RNF212B: variants seen among roughly 807,000 people sequenced by gnomAD.
RNF212B encodes the protein ring finger protein 212B.
Under a neutral mutation model 55.5 loss-of-function variants are expected in RNF212B, and 52 were observed. The ratio of observed to expected loss-of-function variants is 0.94; its 90% confidence interval spans 0.75 to 1.18. RNF212B has a LOEUF of 1.18. Ranked by LOEUF, RNF212B falls within the 50% of genes most tolerant of loss-of-function variation. The pLI is 0.00. For synonymous variants in RNF212B, 99 were observed against 121.4 expected, an observed-to-expected ratio of 0.82 and a Z score of 1.21; for missense variants, 289 against 350.4, an observed-to-expected ratio of 0.82 and a Z score of 1.40.
At chr14:23,266,576 G>A (rs1404467476) in intron 11 of RNF212B, among the ~76,000 whole-genome samples, 6 of 150,914 alleles carry the variant, frequency 4.0e-5, no homozygotes, top group South Asian at 2.1e-4. Flanking sequence ...CACCACACCC[G>A]GCTAATTTTG....
intron 2 of RNF212B, among the ~76,000 whole-genome samples, chr14:23,196,532 T>TGTA (rs1878723732): frequency 6.6e-6 from 1 of 152,180 alleles, no homozygotes; most frequent in Non-Finnish European, 1.5e-5. Flanking sequence ...CTTGAATTCC[T>TGTA]GGGCTCAAGC....
intron 4 of RNF212B, among the ~76,000 whole-genome samples, chr14:23,256,957 A>T (rs190659084): frequency 1.2e-3 from 181 of 152,258 alleles, no homozygotes; most frequent in African/African-American, 4.0e-3. Context: ...GTTCGAGACC[A>T]GTCTGACCAA....
At chr14:23,234,312 G>A (rs1411336732), upstream of RNF212B, among the ~76,000 whole-genome samples, 1 of 150,228 alleles carries the variant, frequency 6.7e-6, no homozygotes, top group Non-Finnish European at 1.5e-5. Context: ...GTGTGTGTGT[G>A]TGTACATGCA....
chr14:23,241,527 G>A (rs184391764), intron 2 of RNF212B, among the ~76,000 whole-genome samples: 199 of 152,040 alleles, frequency 1.3e-3, no homozygotes, highest in Middle Eastern at 3.4e-3. Context: ...AGGTTCAAGC[G>A]ATTCTCATGT....
intron 4 of RNF212B, among the ~76,000 whole-genome samples, chr14:23,251,740 T>C (rs1303754540): frequency 1.3e-5 from 2 of 148,966 alleles, no homozygotes; most frequent in Non-Finnish European, 3.0e-5. Context: ...CACTTGAACC[T>C]GGGAGGTGGA....
rs552473227 is a variant in RNF212B, at chr14:23,213,747, G to A, written c.-2+20346G>A. 3.5e-4 allele frequency among the ~76,000 whole-genome samples: 53 copies of A among 152,094 alleles called. No individual in the cohort carries two copies. The South Asian group carries it at 0.011, about 32-fold the overall frequency. On this transcript the variant is annotated intron_variant, in intron 2 of 15. Transcript: ENST00000399910. ...GAAAGAAAGAGAGAGAAGAAGTGAG[G>A]AAGAGAGGTAGAGAGAGAGAAAGAG...
chr14:23,216,656 G>A (rs886931652), intron 2 of RNF212B, among the ~76,000 whole-genome samples: 1 of 151,902 alleles, frequency 6.6e-6, no homozygotes, highest in Non-Finnish European at 1.5e-5. Context: ...AAGGTAGGCA[G>A]ATTGCTTGAG....
intron 1 of RNF212B, among the ~76,000 whole-genome samples, chr14:23,190,969 C>T (rs1044260759): frequency 5.9e-5 from 9 of 152,162 alleles, no homozygotes; most frequent in South Asian, 4.1e-4. Context: ...TCCTGCAGAC[C>T]GTCTTGGGGG....
At chr14:23,238,780 A>AATAATAATCATC (rs1343117592) in intron 1 of RNF212B, among the ~76,000 whole-genome samples, 1 of 145,652 alleles carries the variant, frequency 6.9e-6, no homozygotes, top group Non-Finnish European at 1.5e-5. Flanking sequence ...TAATAATAAT[A>AATAATAATCATC]ATCCCACAAA....
At chr14:23,219,770 C>T (rs1036148798) in intron 2 of RNF212B, among the ~76,000 whole-genome samples, 1 of 152,064 alleles carries the variant, frequency 6.6e-6, no homozygotes, top group African/African-American at 2.4e-5. Context: ...CCACTCCCAG[C>T]CTTTATTAGT....
intron 2 of RNF212B, among the ~76,000 whole-genome samples, chr14:23,224,139 A>G (rs1160550152): frequency 6.6e-6 from 1 of 152,198 alleles, no homozygotes; most frequent in African/African-American, 2.4e-5. Context: ...TGGAAGAATC[A>G]ACATTGTTAA....
At chr14:23,215,674 A>G (rs1880990187) in intron 2 of RNF212B, among the ~76,000 whole-genome samples, 1 of 152,242 alleles carries the variant, frequency 6.6e-6, no homozygotes, top group Non-Finnish European at 1.5e-5. Context: ...TCCCAAATGA[A>G]GGAAAACTAA....
At chr14:23,196,278 T>C (rs1414982154) in intron 2 of RNF212B, among the ~76,000 whole-genome samples, 1 of 152,154 alleles carries the variant, frequency 6.6e-6, no homozygotes. Flanking sequence ...TTATTCTTTC[T>C]GCTCTTTCTC....
chr14:23,265,023 G>A (rs1885584422), intron 11 of RNF212B, among the ~76,000 whole-genome samples: 1 of 152,230 alleles, frequency 6.6e-6, no homozygotes, highest in Admixed American at 6.5e-5. Context: ...GTTTCATCGT[G>A]TTGCCCAGGC....
chr14:23,215,507 T>TAAAC (rs905929253), intron 2 of RNF212B, among the ~76,000 whole-genome samples: 2 of 151,714 alleles, frequency 1.3e-5, no homozygotes, highest in African/African-American at 2.4e-5. Context: ...TCTGTATCTT[T>TAAAC]AAACAAACAA....
chr14:23,208,949 G>A (rs866888056), intron 2 of RNF212B, among the ~76,000 whole-genome samples: 19 of 151,156 alleles, frequency 1.3e-4, no homozygotes, highest in East Asian at 2.0e-4. Flanking sequence ...TAGTAGAGAC[G>A]GGGTTTCATC....
At chr14:23,196,758 G>A (rs939837646) in intron 2 of RNF212B, among the ~76,000 whole-genome samples, 2 of 152,056 alleles carry the variant, frequency 1.3e-5, no homozygotes, top group African/African-American at 2.4e-5. Context: ...GGCTTTTTTT[G>A]TGTCCATGCT....
intron 2 of RNF212B, among the ~76,000 whole-genome samples, chr14:23,228,572 C>CCAGGACTT (rs1882249160): frequency 1.3e-5 from 2 of 151,282 alleles, no homozygotes; most frequent in South Asian, 4.2e-4. Context: ...TCACTTGAGC[C>CCAGGACTT]CAGGACTTCC....
chr14:23,187,345 TCCCCTACTCC>T (rs1011754436), intron 1 of RNF212B, among the ~76,000 whole-genome samples: 70 of 152,128 alleles, frequency 4.6e-4, no homozygotes, highest in African/African-American at 1.7e-3. Flanking sequence ...GTTCTAATAT[TCCCCTACTCC>T]CCCCTTTTTT....
Sources: gnomAD v4.1 joint callset for allele counts (sites outside exome capture counted in the v4.1 genomes callset) on GRCh38, gnomAD v4.1.1 for gene constraint, MANE v1.5 for transcripts, NCBI Gene and HGNC (gene_info 2026-07-23, HGNC 2026-07-21) for gene names.